Variants in PON2 observed in about 807,000 individuals in gnomAD.
PON2 encodes paraoxonase 2.
Under a neutral mutation model 36.6 loss-of-function variants are expected in PON2, and 27 were observed. That is an observed-to-expected ratio of 0.74 (90% confidence interval 0.54 to 1.02). The LOEUF (loss-of-function observed/expected upper bound fraction) is 1.02. PON2 is among the 50% of genes least tolerant of loss of function. The pLI is 0.00. For synonymous variants in PON2, 149 were observed against 156.3 expected, an observed-to-expected ratio of 0.95 and a Z score of 0.35; for missense variants, 363 against 421.1, an observed-to-expected ratio of 0.86 and a Z score of 1.21.
At chr7:95,431,564 G>C (rs562091503) in intron 1 of PON2, among the ~76,000 whole-genome samples, 42 of 151,876 alleles carry the variant, frequency 2.8e-4, no homozygotes, top group Admixed American at 1.4e-3. Context: ...GGATTACAGG[G>C]ATGCACCACC....
intron 6 of PON2, among the ~76,000 whole-genome samples, chr7:95,408,778 T>A (rs1485657136): frequency 6.6e-6 from 1 of 152,222 alleles, no homozygotes; most frequent in African/African-American, 2.4e-5. Flanking sequence ...GAATTTAATA[T>A]CTTCTCTTAT....
intron 1 of PON2, among the ~76,000 whole-genome samples, chr7:95,428,886 G>T (rs1337362944): frequency 6.6e-6 from 1 of 152,120 alleles, no homozygotes; most frequent in African/African-American, 2.4e-5. Context: ...ATTATTTTAA[G>T]CATTCTCATA....
chr7:95,430,309 A>ATTTTTTTT (rs1325194765), intron 1 of PON2, among the ~76,000 whole-genome samples: 1 of 150,276 alleles, frequency 6.7e-6, no homozygotes, highest in Non-Finnish European at 1.5e-5. Context: ...CTACAAAAAA[A>ATTTTTTTT]TTTTTTTGTT....
chr7:95,423,109 A>C (rs775208253), intron 2 of PON2, among the ~76,000 whole-genome samples: 53 of 152,068 alleles, frequency 3.5e-4, no homozygotes, highest in Non-Finnish European at 7.1e-4. Context: ...GGATTGCTTG[A>C]GGCCAGGAGT....
At chr7:95,428,868 C>T (rs966773533) in intron 1 of PON2, among the ~76,000 whole-genome samples, 9 of 152,100 alleles carry the variant, frequency 5.9e-5, no homozygotes, top group South Asian at 2.1e-4. Context: ...GCTGACTGTG[C>T]GCTTGGCATT....
chr7:95,416,564 T>G (rs1210302854), intron 2 of PON2: 2 of 493,594 alleles, frequency 4.1e-6, no homozygotes, highest in Non-Finnish European at 7.3e-6. Flanking sequence ...CTGAAAAAGT[T>G]GACATCTGTA....
rs1809656125 is a variant in PON2 at position 95,405,449 on chromosome 7, C to A, written c.946G>T (p.Val316Leu). 1 of 1,613,504 alleles carries A rather than the reference C, an allele frequency of 6.2e-7. No homozygotes were observed. ...IQNILSEKPTVTTVYANNGSV... is the reference protein window; with the variant it reads ...IQNILSEKPTLTTVYANNGSV... ...CCATTGTTGGCATAAACTGTAGTCA[C>A]TGTAGGCTTCTCAGATAGAATGTTC... The change falls in exon 9 of 9, where the codon GTG (valine) becomes TTG (leucine). Residue 316 changes from valine to leucine, a missense_variant. Physicochemically the swap from Val to Leu is conservative, Grantham distance 32. Transcript: ENST00000222572.
chr7:95,406,239 C>T lies in PON2; in HGVS notation c.786G>A (p.Glu262=), dbSNP rs746941164. 5.6e-6 allele frequency: 9 copies of T among 1,610,800 alleles called. No homozygotes were observed. Among genetic ancestry groups the T allele is most frequent in the Non-Finnish European group, 7.6e-6 (9 of 1,177,132 alleles). Residue 262 remains glutamate, a synonymous_variant, in exon 8 of 9, where the codon GAG becomes GAA. Coordinates refer to ENST00000222572, the MANE Select transcript of PON2 (RefSeq NM_000305.3). ...NMNLTQLKVL[E]LDTLVDNLSI... is the part of the protein sequence containing the mutation. ...ATAAATTATCCACCAGTGTATCCAG[C>T]TCAAGTACCTTCCAAATGAGAAATT...
At chr7:95,421,963 T>C (rs750945669) in intron 2 of PON2, among the ~76,000 whole-genome samples, 11 of 152,208 alleles carry the variant, frequency 7.2e-5, no homozygotes, top group Non-Finnish European at 1.3e-4. Flanking sequence ...TTTATTACTG[T>C]TGCCAAATTG....
Position 95,405,433 on chromosome 7 carries a change from GCATAAACTGTA to G in PON2, c.951_961del (p.Thr318GlnfsTer16). ...TCCTTGGAGAACAGACCCATTGTTGGCATAAACTGTAGTCACTGTAGGCTTCTCAGATAGAA... is the reference window on the plus strand; with the variant it reads ...TCCTTGGAGAACAGACCCATTGTTGGGTCACTGTAGGCTTCTCAGATAGAA... On this transcript the variant is annotated frameshift_variant, in exon 9 of 9. Coordinates refer to ENST00000222572, the MANE Select transcript of PON2 (RefSeq NM_000305.3). LOFTEE classifies it high-confidence loss of function. 1 of 1,613,492 alleles carries G rather than the reference GCATAAACTGTA, an allele frequency of 6.2e-7. No homozygotes were observed. The highest frequency in any genetic ancestry group is 8.5e-7 in the Non-Finnish European group (1 of 1,179,498).
rs1424323248 is a variant in PON2 at position 95,434,980 on chromosome 7, TCC to T, written c.-31_-30del. 23 of 1,515,706 alleles carry T rather than the reference TCC, an allele frequency of 1.5e-5. No individual in the cohort carries two copies. The East Asian group carries it at 5.5e-4, about 36-fold the overall frequency. The allele number at this position is 1,515,706 out of a possible 1,614,324, so 93.9% of individuals were successfully genotyped here. A position where few individuals can be genotyped will look rare whatever the true frequency, so the allele number is the denominator to read the frequency against. On this transcript the variant is annotated 5_prime_UTR_variant, in exon 1 of 9. Coordinates refer to ENST00000222572, the MANE Select transcript of PON2 (RefSeq NM_000305.3). ...GCGGGAGCCGGGCGCGCTGCCTCGC[TCC>T]GGCCTGGCCAGCAGCTCCGTGGGCG...
chr7:95,423,321 CAAAAAAAA>C lies in PON2; in HGVS notation c.145+1186_145+1193del, dbSNP rs35269697. Among the ~76,000 whole-genome samples the C allele has an allele frequency of 7.5e-3, 535 of 71,170 alleles. 2 individuals are homozygous for C. The highest frequency in any genetic ancestry group is 0.012 in the Non-Finnish European group (372 of 32,076). 46.7% of individuals were successfully genotyped at this position (71,170 alleles called of 152,430 possible). A position where few individuals can be genotyped will look rare whatever the true frequency, so the allele number is the denominator to read the frequency against. On this transcript the variant is annotated intron_variant, in intron 2 of 8. Transcript: ENST00000222572. ...TGGGTGACAAAGTGAGGCCACCTCT[CAAAAAAAA>C]AAAAAAAAAAAATTAAAATTTAAAA...
At chr7:95,430,934 A>T (rs1787441949) in intron 1 of PON2, among the ~76,000 whole-genome samples, 2 of 149,356 alleles carry the variant, frequency 1.3e-5, no homozygotes, top group Admixed American at 1.3e-4. Context: ...CTGCTCTTTC[A>T]GAAGTAGAAA....
At chr7:95,417,540 G>A (rs1414198830) in intron 2 of PON2, among the ~76,000 whole-genome samples, 5 of 151,922 alleles carry the variant, frequency 3.3e-5, no homozygotes, top group Non-Finnish European at 5.9e-5. Flanking sequence ...ATTTTCATCA[G>A]ATTCAAAAAA....
Position 95,421,035 on chromosome 7 carries a change from A to C in PON2, c.145+3480T>G, listed in dbSNP as rs564975591. The stretch of plus-strand genomic sequence containing the variant: ...AATTAGATCTAAAAATGTATCCCAA[A>C]TGTGCTTCTAATCACTCATCCTCTC... On this transcript the variant is annotated intron_variant, in intron 2 of 8. Transcript: ENST00000222572. Among the ~76,000 whole-genome samples, 28 of 152,332 alleles carry C rather than the reference A, an allele frequency of 1.8e-4. No individual in the cohort carries two copies. The South Asian group carries it at 5.0e-3, about 27-fold the overall frequency.
intron 1 of PON2, among the ~76,000 whole-genome samples, chr7:95,426,122 G>A (rs1789310223): frequency 6.6e-6 from 1 of 152,060 alleles, no homozygotes; most frequent in South Asian, 2.1e-4. Flanking sequence ...GAGTAGACAA[G>A]GGCTGAAAAA....
At chr7:95,413,274 C>T (rs1479649406) in intron 3 of PON2, among the ~76,000 whole-genome samples, 1 of 152,130 alleles carries the variant, frequency 6.6e-6, no homozygotes, top group Admixed American at 6.5e-5. Flanking sequence ...GCACATCAGC[C>T]TGGGCAATTG....
At chr7:95,432,026 T>A (rs576584122) in intron 1 of PON2, among the ~76,000 whole-genome samples, 1 of 152,118 alleles carries the variant, frequency 6.6e-6, no homozygotes, top group Non-Finnish European at 1.5e-5. Flanking sequence ...GTCAGCCCAT[T>A]TGGGGCTCCA....
chr7:95,430,999 G>A (rs918915747), intron 1 of PON2, among the ~76,000 whole-genome samples: 3 of 151,928 alleles, frequency 2.0e-5, no homozygotes, highest in Admixed American at 2.0e-4. Context: ...GCAGCAAGCA[G>A]AACATTCACA....
Sources: gnomAD v4.1 joint callset for allele counts (sites outside exome capture counted in the v4.1 genomes callset) on GRCh38, gnomAD v4.1.1 for gene constraint, MANE v1.5 for transcripts, NCBI Gene and HGNC (gene_info 2026-07-23, HGNC 2026-07-21) for gene names.